Variants in TOMM22 observed in about 807,000 individuals in gnomAD.
The protein encoded by TOMM22 is mitochondrial import receptor subunit TOM22 homolog.
TOMM22 carries 3 observed loss-of-function variants against 17.1 expected under a neutral mutation model. The ratio of observed to expected loss-of-function variants is 0.18; its 90% CI spans 0.08 to 0.45. The LOEUF is 0.45. TOMM22 is among the 20% of genes least tolerant of loss of function. The pLI, the probability that TOMM22 is intolerant of heterozygous loss-of-function variation, is 0.99. For synonymous variants in TOMM22, 91 were observed against 74.0 expected (o/e 1.23, Z -1.18); for missense variants, 159 against 179.5 (o/e 0.89, Z 0.65).
At chr22:38,683,639 C>T in intron 3 of TOMM22, 128 bp from the exon 4 acceptor site, 3 of 672,642 alleles carry the variant, frequency 4.5e-6, no homozygotes, top group Non-Finnish European at 5.2e-6. Flanking sequence ...TGGGATCGGG[C>T]CCATGCTCTT....
In TOMM22 at chr22:38,682,992, G is replaced by A. The variant is rs570155178; in HGVS notation, c.350G>A (p.Arg117Gln). 15 of 1,613,558 alleles carry A rather than the reference G, an allele frequency of 9.3e-6. No homozygotes were observed. Among genetic ancestry groups the A allele is most frequent in the East Asian group, 8.9e-5 (4 of 44,876 alleles). The change falls in exon 3 of 4, where the codon CGG (arginine) becomes CAG (glutamine). Residue 117 changes from arginine to glutamine, a missense_variant. Around this residue, in one of 3 missense-constraint regions of TOMM22, gnomAD observed 33 missense variants for 34.7 expected, o/e 0.95. Coordinates refer to ENST00000216034, the MANE Select transcript of TOMM22 (RefSeq NM_020243.5). ...GAGCAACAGCAGCAACTGCAGCAGC[G>A]GCAGGTGAGCCCAGACCTTGGGCTT... ...QMEQQQQLQQRQILLGPNTGL... is the reference protein window; with the variant it reads ...QMEQQQQLQQQQILLGPNTGL...
At position 38,684,203 on chromosome 22, in the gene TOMM22, T is replaced by G. The variant is rs924247364; in HGVS notation, c.*362T>G. The G allele has an allele frequency of 1.1e-5, 2 of 188,470 alleles. No individual in the cohort carries two copies. Among genetic ancestry groups the G allele is most frequent in the East Asian group, 1.2e-4 (1 of 8,180 alleles). 11.7% of individuals were successfully genotyped at this position (188,470 alleles called of 1,614,324 possible). A position where few individuals can be genotyped will look rare whatever the true frequency, so the allele number is the denominator to read the frequency against. On this transcript the variant is annotated 3_prime_UTR_variant, in exon 4 of 4. Transcript: ENST00000216034. ...GTGCCCCTGACCATTAACGACTGTT[T>G]TTTTTTTTTTTTTTTAAAGAATGGA... is the stretch of plus-strand genomic sequence containing the variant.
At chr22:38,683,124 T>TGG in intron 3 of TOMM22, 128 bp downstream of exon 3, 1 of 89,988 alleles carries the variant, frequency 1.1e-5, no homozygotes, top group Non-Finnish European at 2.0e-5. Flanking sequence ...GGATGGTGGG[T>TGG]TGGGGGTGGC....
rs574168777 is a variant in TOMM22 at position 38,683,925 on chromosome 22, T to C, written c.*84T>C. The C allele has an allele frequency of 2.0e-4, 260 of 1,283,504 alleles. No homozygotes were observed. In the African/African-American group the frequency reaches 3.6e-3, roughly 18 times the overall value. 79.5% of individuals were successfully genotyped at this position (1,283,504 alleles called of 1,614,324 possible). ...CTGCTGATAATTTGGATTTTTTTTTTTTTTTAACTTTGGCACATTGATCTA... is the reference window on the plus strand; with the variant it reads ...CTGCTGATAATTTGGATTTTTTTTTCTTTTTAACTTTGGCACATTGATCTA... On this transcript the variant is annotated 3_prime_UTR_variant, in exon 4 of 4. Transcript: ENST00000216034.
rs560159424 is a variant in TOMM22, at chr22:38,682,927, G to C, written c.285G>C (p.Leu95=). Residue 95 remains leucine (L), a synonymous_variant, in exon 3 of 4, where the codon CTG becomes CTC. Coordinates refer to ENST00000216034, the MANE Select transcript of TOMM22 (RefSeq NM_020243.5). The part of the protein sequence containing the change: ...LWIGTTSFMI[L]VLPVVFETEK... The stretch of plus-strand genomic sequence containing the variant: ...TTGGGACCACTTCCTTTATGATCCT[G>C]GTTCTTCCCGTTGTCTTTGAGACGG... 9.3e-6 allele frequency: 15 copies of C among 1,613,744 alleles called. No homozygotes were observed. The highest frequency in any genetic ancestry group is 8.8e-5 in the South Asian group (8 of 91,064).
intron 3 of TOMM22, among the ~76,000 whole-genome samples, chr22:38,683,476 C>T (rs1415988963): frequency 1.3e-5 from 2 of 152,234 alleles, no homozygotes; most frequent in African/African-American, 4.8e-5. Context: ...GCAGTAAACA[C>T]AGATGAAGCT....
intron 3 of TOMM22, among the ~76,000 whole-genome samples, chr22:38,683,410 T>C (rs1327244704): frequency 6.6e-6 from 1 of 152,164 alleles, no homozygotes; most frequent in East Asian, 1.9e-4. Flanking sequence ...AATCTAACAC[T>C]GCTGCTGATC....
chr22:38,683,396 T>C (rs1042121679), intron 3 of TOMM22, among the ~76,000 whole-genome samples: 1 of 152,104 alleles, frequency 6.6e-6, no homozygotes, highest in African/African-American at 2.4e-5. Flanking sequence ...TGTGTTCCTA[T>C]GAGAATCTAA....
rs2092483505 is a variant in TOMM22 at position 38,682,902 on chromosome 22, T to C, written c.260T>C (p.Ile87Thr). ...AGGTTTTCCAGGGCAGCCTTGTGGA[T>C]TGGGACCACTTCCTTTATGATCCTG... Reference protein sequence around the residue: ...MYRFSRAALWIGTTSFMILVL... With the variant: ...MYRFSRAALWTGTTSFMILVL... Residue 87 changes from isoleucine (I) to threonine (T), a missense_variant, in exon 3 of 4, where the codon ATT (isoleucine) becomes ACT (threonine). Transcript: ENST00000216034. 6.2e-7 allele frequency: 1 copy of C among 1,613,452 alleles called. No homozygotes were observed. Among genetic ancestry groups the C allele is most frequent in the Non-Finnish European group, 8.5e-7 (1 of 1,179,916 alleles).
intron 3 of TOMM22, among the ~76,000 whole-genome samples, chr22:38,683,290 CTG>C (rs2092485642): frequency 6.6e-6 from 1 of 152,114 alleles, no homozygotes; most frequent in South Asian, 2.1e-4. Flanking sequence ...ACAGTCCTGT[CTG>C]GGGGTGATGG....
rs2092484329 is a variant in TOMM22, at chr22:38,683,130, G to A, written c.354+134G>A. 6.7e-6 allele frequency: 3 copies of A among 449,690 alleles called. No individual in the cohort carries two copies. The South Asian group carries it at 1.0e-4, about 15-fold the overall frequency. 27.9% of individuals were successfully genotyped at this position (449,690 alleles called of 1,614,324 possible). A position where few individuals can be genotyped will look rare whatever the true frequency, so the allele number is the denominator to read the frequency against. On this transcript the variant is annotated intron_variant, in intron 3 of 3. Transcript: ENST00000216034. ...TTTTTACATGGATGGTGGGTTGGGG[G>A]TGGCCGGGGGTCGGGGGGGGGGTTC...
chr22:38,682,210 TG>T, intron 1 of TOMM22, 112 bp from the exon 2 acceptor site: 1 of 1,471,370 alleles, frequency 6.8e-7, no homozygotes, highest in South Asian at 1.2e-5. Context: ...TTAGGGGCCC[TG>T]CTGGGCCCTG....
chr22:38,681,965 T>C lies in TOMM22; in HGVS notation c.-14T>C, dbSNP rs2092479262. 3.1e-6 allele frequency: 5 copies of C among 1,600,068 alleles called. No homozygotes were observed. The highest frequency in any genetic ancestry group is 1.7e-5 in the Admixed American group (1 of 59,496). On this transcript the variant is annotated 5_prime_UTR_variant, in exon 1 of 4. Transcript: ENST00000216034. ...GCGCTCACCTCCTTTCCGCTTCCGG[T>C]GTCCCCTACAGTCATGGCTGCCGCC...
Position 38,682,022 on chromosome 22 carries a change from C to A in TOMM22, c.44C>A (p.Ser15Tyr), listed in dbSNP as rs1458168323. The change falls in exon 1 of 4, where the codon TCC becomes TAC. Residue 15 changes from serine (S) to tyrosine (Y), a missense_variant. Coordinates refer to ENST00000216034, the MANE Select transcript of TOMM22 (RefSeq NM_020243.5). Reference sequence around the variant, plus strand: ...GCTGCCGGTGCAGGGGAACCCCAGTCCCCGGACGAATTGCTCCCGAAAGGC... The same window carrying A: ...GCTGCCGGTGCAGGGGAACCCCAGTACCCGGACGAATTGCTCCCGAAAGGC... ...VAAAGAGEPQSPDELLPKGDA... is the reference protein window; with the variant it reads ...VAAAGAGEPQYPDELLPKGDA... 2 of 1,610,844 alleles carry A rather than the reference C, an allele frequency of 1.2e-6. No individual in the cohort carries two copies. Among genetic ancestry groups the A allele is most frequent in the African/African-American group, 1.3e-5 (1 of 74,880 alleles).
chr22:38,683,095 T>C lies in TOMM22; in HGVS notation c.354+99T>C, dbSNP rs1037522243. The C allele has an allele frequency of 9.3e-6, 5 of 537,214 alleles. No homozygotes were observed. The Admixed American group carries it at 1.7e-4, about 18-fold the overall frequency. 33.3% of individuals were successfully genotyped at this position (537,214 alleles called of 1,614,324 possible). On this transcript the variant is annotated intron_variant, in intron 3 of 3. Coordinates refer to ENST00000216034, the MANE Select transcript of TOMM22 (RefSeq NM_020243.5). ...TTTTTGGCACCAGGGACTGGTTTCA[T>C]GGAACACAGTTTTTACATGGATGGT...
chr22:38,682,528 C>G, intron 2 of TOMM22, 87 bp downstream of exon 2: 1 of 1,227,998 alleles, frequency 8.1e-7, no homozygotes, highest in Non-Finnish European at 1.2e-6. Flanking sequence ...GCAGCAGACC[C>G]GTGTTGGGTG....
chr22:38,684,075 G>T lies in TOMM22; in HGVS notation c.*234G>T. ...ATACCAGAGTGCAGCCATGCAGATG[G>T]TTATTCCAGCTCTGGTCACCCGACT... On this transcript the variant is annotated 3_prime_UTR_variant, in exon 4 of 4. Coordinates refer to ENST00000216034, the MANE Select transcript of TOMM22 (RefSeq NM_020243.5). 1 of 486,272 alleles carries T rather than the reference G, an allele frequency of 2.1e-6. No homozygotes were observed. The highest frequency in any genetic ancestry group is 3.7e-6 in the Non-Finnish European group (1 of 267,286). 30.1% of individuals were successfully genotyped at this position (486,272 alleles called of 1,614,324 possible). A position where few individuals can be genotyped will look rare whatever the true frequency, so the allele number is the denominator to read the frequency against.
Position 38,683,926 on chromosome 22 carries a change from T to A in TOMM22, c.*85T>A. ...TGCTGATAATTTGGATTTTTTTTTTTTTTTAACTTTGGCACATTGATCTAT... is the reference window on the plus strand; with the variant it reads ...TGCTGATAATTTGGATTTTTTTTTTATTTTAACTTTGGCACATTGATCTAT... On this transcript the variant is annotated 3_prime_UTR_variant, in exon 4 of 4. Transcript: ENST00000216034. 7.8e-7 allele frequency: 1 copy of A among 1,285,364 alleles called. No individual in the cohort carries two copies. 79.6% of individuals were successfully genotyped at this position (1,285,364 alleles called of 1,614,324 possible).
In TOMM22 at chr22:38,682,053, G is replaced by A. The variant is rs1037231773; in HGVS notation, c.75G>A (p.Ala25=). ...ACGAATTGCTCCCGAAAGGCGACGC[G>A]GAGAAGCCTGAGGAGGAGCTGGAGG... ...SPDELLPKGD[A]EKPEEELEED... Residue 25 remains alanine (A), a synonymous_variant, in exon 1 of 4, where the codon GCG becomes GCA. Coordinates refer to ENST00000216034, the MANE Select transcript of TOMM22 (RefSeq NM_020243.5). 3.7e-6 allele frequency: 6 copies of A among 1,601,096 alleles called. No homozygotes were observed. Among genetic ancestry groups the A allele is most frequent in the Non-Finnish European group, 5.1e-6 (6 of 1,174,174 alleles).
Sources: allele counts gnomAD v4.1 joint callset (sites outside exome capture counted in the v4.1 genomes callset), GRCh38; gene constraint gnomAD v4.1.1; regional missense constraint gnomAD v4.1.1; transcripts MANE v1.5; gene names NCBI Gene and HGNC (gene_info 2026-07-23, HGNC 2026-07-21).